The following POM121C variants were observed in gnomAD, a reference collection of about 807,000 sequenced individuals.
POM121C encodes POM121 transmembrane nucleoporin C.
A neutral mutation model predicts 66.4 loss-of-function variants in POM121C; 20 were observed. The observed-to-expected ratio is 0.30, with a 90% CI of 0.21 to 0.44. The LOEUF (loss-of-function observed/expected upper bound fraction) is 0.44. Ranked by LOEUF, POM121C falls within the 20% of genes least tolerant of loss-of-function variation. POM121C has a pLI of 1.00. For missense variants in POM121C, 580 were observed against 1,225.7 expected (o/e 0.47, Z 7.87); for synonymous variants, 286 against 528.0 (o/e 0.54, Z 6.28).
At position 75,425,696 on chromosome 7, in the gene POM121C, C is replaced by A; in HGVS notation, c.585G>T (p.Leu195=). The change falls in exon 9 of 15, where the codon CTG becomes CTT. Residue 195 remains leucine, a synonymous_variant. Coordinates refer to ENST00000615331, the MANE Select transcript of POM121C (RefSeq NM_001099415.3). ...RPAKKIREEE[L]CHHSSSSTPL... ...GAGTTGAAGAACTGGAATGATGACA[C>A]AGCTCTTCTTCTCTGTTGGGAAAAA... 6.2e-7 allele frequency: 1 copy of A among 1,612,888 alleles called. No homozygotes were observed. The highest frequency in any genetic ancestry group is 8.5e-7 in the Non-Finnish European group (1 of 1,179,480).
intron 3 of POM121C, chr7:75,442,720 C>G: frequency 7.3e-7 from 1 of 1,360,918 alleles, no homozygotes; most frequent in Non-Finnish European, 9.4e-7. Flanking sequence ...CCGGAGACAT[C>G]GCGGCTCCGC....
At chr7:75,436,199 T>C (rs1790399768) in intron 7 of POM121C, among the ~76,000 whole-genome samples, 1 of 152,246 alleles carries the variant, frequency 6.6e-6, no homozygotes, top group African/African-American at 2.4e-5. Flanking sequence ...GAATTAATTC[T>C]TTACATTCCT....
chr7:75,481,695 A>G (rs1205127003), intron 1 of POM121C, among the ~76,000 whole-genome samples: 1 of 152,182 alleles, frequency 6.6e-6, no homozygotes. Context: ...GCATTGTGGC[A>G]TATGACTATA....
chr7:75,421,592 T>G lies in POM121C; in HGVS notation c.2660A>C (p.Gln887Pro). The G allele has an allele frequency of 1.2e-6, 2 of 1,613,372 alleles. No homozygotes were observed. The highest frequency in any genetic ancestry group is 1.7e-6 in the Non-Finnish European group (2 of 1,179,814). ...TSTPFTGGLG[Q>P]NALGTTGQST... ...CTGGCCGGTGGTGCCCAGGGCGTTC[T>G]GACCTAAGCCCCCTGTGAAGGGGGT... Residue 887 changes from glutamine to proline, a missense_variant, in exon 13 of 15, where the codon CAG (glutamine) becomes CCG (proline). Physicochemically the swap from Gln to Pro is moderately conservative, Grantham distance 76 (BLOSUM62 -1). Transcript: ENST00000615331.
chr7:75,478,177 G>A (rs587670696), intron 1 of POM121C, among the ~76,000 whole-genome samples: 1 of 152,140 alleles, frequency 6.6e-6, no homozygotes, highest in Admixed American at 6.5e-5. Context: ...ATGTTGGCCA[G>A]GCTGGTCTTG....
At chr7:75,455,366 C>T (rs1791172077) in intron 3 of POM121C, among the ~76,000 whole-genome samples, 1 of 152,130 alleles carries the variant, frequency 6.6e-6, no homozygotes, top group Non-Finnish European at 1.5e-5. Flanking sequence ...GCGATCTCGG[C>T]TCACTGCAAC....
chr7:75,441,540 T>A lies in POM121C; in HGVS notation c.-44A>T, dbSNP rs782715433. On this transcript the variant is annotated 5_prime_UTR_variant, in exon 4 of 15. The change abolishes an upstream ATG in the 5' untranslated region. Transcript: ENST00000615331. ...CAGCACAGCCTTCTTGTGATAACCA[T>A]TCCAGCACACTGTGGGAAGTACCCC... 10 of 1,613,690 alleles carry A rather than the reference T, an allele frequency of 6.2e-6. No individual in the cohort carries two copies. In the South Asian group the frequency reaches 1.1e-4, roughly 18 times the overall value.
intron 3 of POM121C, among the ~76,000 whole-genome samples, chr7:75,473,678 GT>G (rs1791955976): frequency 6.6e-6 from 1 of 151,700 alleles, no homozygotes; most frequent in Non-Finnish European, 1.5e-5. Context: ...TTTTTTGTTT[GT>G]TTGTTTGTTT....
rs1190954684 is a variant in POM121C, at chr7:75,417,042, A to G, written c.*1754T>C. The G allele has an allele frequency of 2.2e-5, 26 of 1,167,034 alleles. No individual in the cohort carries two copies. The highest frequency in any genetic ancestry group is 3.1e-5 in the African/African-American group (2 of 63,952). 72.3% of individuals were successfully genotyped at this position (1,167,034 alleles called of 1,614,324 possible). A position where few individuals can be genotyped will look rare whatever the true frequency, so the allele number is the denominator to read the frequency against. The stretch of plus-strand genomic sequence containing the variant: ...CTGACACTAGGAGGGTCTACCTTAC[A>G]TAAGGTACAGGTAGAAGCTTGATTG... On this transcript the variant is annotated 3_prime_UTR_variant, in exon 15 of 15. Transcript: ENST00000615331.
chr7:75,424,189 G>A lies in POM121C; in HGVS notation c.908C>T (p.Thr303Ile), dbSNP rs150025373. Residue 303 changes from threonine (T) to isoleucine (I), a missense_variant, in exon 12 of 15, where the codon ACC (threonine) becomes ATC (isoleucine). Thr to Ile is a moderately conservative substitution (Grantham distance 89, BLOSUM62 -1). Coordinates refer to ENST00000615331, the MANE Select transcript of POM121C (RefSeq NM_001099415.3). ...ASNSVTETPP[T>I]TQPSFTFTLP... Reference sequence around the variant, plus strand: ...GGTAAAGGTAAATGAAGGCTGAGTGGTAGGTGGGGTCTCAGTGACAGAGTT... The same window carrying A: ...GGTAAAGGTAAATGAAGGCTGAGTGATAGGTGGGGTCTCAGTGACAGAGTT... 555 of 1,611,494 alleles carry A rather than the reference G, an allele frequency of 3.4e-4. 2 individuals carry two copies. In the African/African-American group the frequency reaches 3.9e-3, roughly 11 times the overall value.
chr7:75,469,963 T>C (rs1483999878), intron 3 of POM121C, among the ~76,000 whole-genome samples: 1 of 152,226 alleles, frequency 6.6e-6, no homozygotes, highest in East Asian at 1.9e-4. Flanking sequence ...ATATTTTATT[T>C]GGTTTATTAT....
In POM121C at chr7:75,421,873, G is replaced by A; in HGVS notation, c.2379C>T (p.Ala793=). The change falls in exon 13 of 15, where the codon GCC becomes GCT. Residue 793 remains alanine (A), a synonymous_variant. Coordinates refer to ENST00000615331, the MANE Select transcript of POM121C (RefSeq NM_001099415.3). ...AGAAGACAGCAGTGGAGCCGCCAAA[G>A]GCGGGCTGTGAGCTGGCGGGAGCGC... ...AFGAPASSQP[A]FGGSTAVFSF... is the part of the protein sequence containing the mutation. 5 of 1,611,922 alleles carry A rather than the reference G, an allele frequency of 3.1e-6. No homozygotes were observed. The highest frequency in any genetic ancestry group is 4.2e-6 in the Non-Finnish European group (5 of 1,179,416).
intron 13 of POM121C, chr7:75,420,447 A>G (rs115589517): frequency 0.14 from 19,925 of 147,272 alleles, 1,906 homozygotes; most frequent in Non-Finnish European, 0.19. Flanking sequence ...CTGACCTTAG[A>G]TCTATACCCA....
At chr7:75,477,584 G>C (rs2116538731) in intron 1 of POM121C, among the ~76,000 whole-genome samples, 2 of 152,112 alleles carry the variant, frequency 1.3e-5, no homozygotes, top group South Asian at 4.1e-4. Flanking sequence ...TTCATATGAG[G>C]TGGAAGAAAA....
chr7:75,441,980 T>C (rs1790667070), intron 3 of POM121C, among the ~76,000 whole-genome samples: 1 of 146,646 alleles, frequency 6.8e-6, no homozygotes, highest in African/African-American at 2.5e-5. Flanking sequence ...CAAGCAAGAG[T>C]CAGAGGCCAG....
Position 75,424,776 on chromosome 7 carries a change from T to C in POM121C, c.769-148A>G. 3.9e-6 allele frequency: 5 copies of C among 1,278,962 alleles called. No individual in the cohort carries two copies. In the South Asian group the frequency reaches 5.0e-5, roughly 13 times the overall value. The allele number at this position is 1,278,962 out of a possible 1,614,324, so 79.2% of individuals were successfully genotyped here. A position where few individuals can be genotyped will look rare whatever the true frequency, so the allele number is the denominator to read the frequency against. ...GAGTTTGAGGCTGGCCTGGCCAACATGGTGAAACCCCATCTCTACTAAAAA... is the reference window on the plus strand; with the variant it reads ...GAGTTTGAGGCTGGCCTGGCCAACACGGTGAAACCCCATCTCTACTAAAAA... On this transcript the variant is annotated intron_variant, in intron 10 of 14. Coordinates refer to ENST00000615331, the MANE Select transcript of POM121C (RefSeq NM_001099415.3).
Position 75,448,023 on chromosome 7 carries a change from C to CAA in POM121C, c.-151-6378_-151-6377dup, listed in dbSNP as rs3973313. ...TGGGCGACAGAGCTAGACTCCGTCT[C>CAA]AAAAAAAAAAAAAAAACCAACCAAA... On this transcript the variant is annotated intron_variant, in intron 3 of 14. Coordinates refer to ENST00000615331, the MANE Select transcript of POM121C (RefSeq NM_001099415.3). Among the ~76,000 whole-genome samples the CAA allele has an allele frequency of 6.3e-3, 620 of 98,272 alleles. 2 individuals carry two copies. Among genetic ancestry groups the CAA allele is most frequent in the Non-Finnish European group, 0.01 (505 of 49,928 alleles). The allele number at this position is 98,272 out of a possible 152,430, so 64.5% of individuals were successfully genotyped here. A position where few individuals can be genotyped will look rare whatever the true frequency, so the allele number is the denominator to read the frequency against.
At chr7:75,447,541 T>C (rs1265247335) in intron 3 of POM121C, among the ~76,000 whole-genome samples, 7 of 151,410 alleles carry the variant, frequency 4.6e-5, no homozygotes, top group Non-Finnish European at 1.0e-4. Flanking sequence ...TTTAAAGTGC[T>C]GAAGGCAAAA....
At chr7:75,459,646 A>C (rs1791382296) in intron 3 of POM121C, among the ~76,000 whole-genome samples, 1 of 147,456 alleles carries the variant, frequency 6.8e-6, no homozygotes, top group African/African-American at 2.5e-5. Context: ...AAATCCAGAG[A>C]GATTTTTTTT....
Sources: gnomAD v4.1 joint callset for allele counts (sites outside exome capture counted in the v4.1 genomes callset) on GRCh38, gnomAD v4.1.1 for gene constraint, MANE v1.5 for transcripts, NCBI Gene and HGNC (gene_info 2026-07-23, HGNC 2026-07-21) for gene names.